The following PRPF40B variants were observed in gnomAD, a reference collection of about 807,000 sequenced individuals.
The protein encoded by PRPF40B is pre-mRNA processing factor 40B.
A neutral mutation model predicts 124.5 loss-of-function variants in PRPF40B; 56 were observed. The ratio of observed to expected loss-of-function variants is 0.45; its 90% CI spans 0.36 to 0.56. The LOEUF (loss-of-function observed/expected upper bound fraction) is 0.56, where lower values mean the gene tolerates loss of function less well. PRPF40B is among the 20% of genes least tolerant of loss of function. The pLI is 0.00. For synonymous variants in PRPF40B, 443 were observed against 426.4 expected (o/e 1.04, Z -0.48); for missense variants, 1,053 against 1,169.5 (o/e 0.90, Z 1.45).
chr12:49,632,993 T>TGGGGGGG, intron 6 of PRPF40B, 21 bp from the exon 7 acceptor site: 2 of 1,498,382 alleles, frequency 1.3e-6, no homozygotes, highest in Non-Finnish European at 1.8e-6. Context: ...ACCACCATTC[T>TGGGGGGG]GTGCCCCCCC....
chr12:49,623,660 G>T (rs1940406109), intron 1 of PRPF40B, 67 bp downstream of exon 1: 1 of 1,228,630 alleles, frequency 8.1e-7, no homozygotes, highest in East Asian at 3.2e-5. Flanking sequence ...GGCCCGGGCC[G>T]TGGCCGATGG....
intron 15 of PRPF40B, 69 bp from the exon 16 acceptor site, chr12:49,636,647 T>A: frequency 6.2e-7 from 1 of 1,600,062 alleles, no homozygotes; most frequent in Non-Finnish European, 8.6e-7. Flanking sequence ...GTTGAAACAT[T>A]AGGGGTGCTG....
chr12:49,627,622 G>C (rs1324950485), intron 1 of PRPF40B, among the ~76,000 whole-genome samples: 1 of 152,152 alleles, frequency 6.6e-6, no homozygotes, highest in African/African-American at 2.4e-5. Flanking sequence ...CTGGGTAGCA[G>C]ACCCCCTCAT....
chr12:49,625,955 T>TC (rs1940672101), intron 1 of PRPF40B, among the ~76,000 whole-genome samples: 1 of 152,232 alleles, frequency 6.6e-6, no homozygotes, highest in Non-Finnish European at 1.5e-5. Context: ...ATTCCATTGT[T>TC]CTGTCCTCTG....
chr12:49,643,300 G>A lies in PRPF40B; in HGVS notation c.2283G>A (p.Glu761=). Residue 761 remains glutamate (E), a synonymous_variant, in exon 23 of 26, where the codon GAG becomes GAA. Coordinates refer to ENST00000548825, the MANE Select transcript of PRPF40B (RefSeq NM_001031698.3). ...AGCGGAGGAGGCGGAACCCCTCAGA[G>A]TCAGGCTCTGAGCCCTCTTCCTCAC... ...PPKRRRRNPS[E]SGSEPSSSLD... 2 of 1,613,032 alleles carry A rather than the reference G, an allele frequency of 1.2e-6. No individual in the cohort carries two copies. The highest frequency in any genetic ancestry group is 1.7e-6 in the Non-Finnish European group (2 of 1,179,666).
rs1212304734 is a variant in PRPF40B at position 49,634,089 on chromosome 12, G to T, written c.809G>T (p.Ser270Ile). 1 of 1,611,896 alleles carries T rather than the reference G, an allele frequency of 6.2e-7. No homozygotes were observed. The highest frequency in any genetic ancestry group is 1.7e-5 in the Admixed American group (1 of 60,016). Reference protein sequence around the residue: ...GFLQQLEEGPSSSGQHQPQQE... With the variant: ...GFLQQLEEGPISSGQHQPQQE... The stretch of plus-strand genomic sequence containing the variant: ...CTGCAGCAGCTGGAGGAGGGCCCCA[G>T]CAGGTGAGGGCTGCCCCCCATGGCA... Residue 270 changes from serine (S) to isoleucine (I), a missense_variant, in exon 10 of 26, where the codon AGC (serine) becomes ATC (isoleucine). Transcript: ENST00000548825.
Position 49,642,145 on chromosome 12 carries a change from CCCTAA to C in PRPF40B, c.1885-88_1885-84del, listed in dbSNP as rs894623488. 1.4e-5 allele frequency: 22 copies of C among 1,607,726 alleles called. No individual in the cohort carries two copies. In the African/African-American group the frequency reaches 2.5e-4, roughly 19 times the overall value. On this transcript the variant is annotated intron_variant, in intron 19 of 25. Transcript: ENST00000548825. This position sits in a 1 kb window ranked among gnomAD's most constrained non-coding sequence, Gnocchi z 5.8. ...CAGGGGATGGTGGTAGAAGCCCAGA[CCCTAA>C]CTTTCCACCTCCTAAGGTATGCCTG...
intron 2 of PRPF40B, among the ~76,000 whole-genome samples, chr12:49,630,985 T>C (rs1363151012): frequency 2.0e-5 from 3 of 152,156 alleles, no homozygotes; most frequent in Non-Finnish European, 4.4e-5. Flanking sequence ...TGGAATGGCA[T>C]TGGTGGTCAT....
chr12:49,627,314 A>G (rs941208966), intron 1 of PRPF40B, among the ~76,000 whole-genome samples: 3 of 152,240 alleles, frequency 2.0e-5, no homozygotes, highest in South Asian at 2.1e-4. Context: ...GAAAAATAAT[A>G]TAATCAGGAT....
Position 49,632,996 on chromosome 12 carries a change from G to GGGGGGGGCCCCCCCCC in PRPF40B, c.349-18_349-17insGGGGGGGCCCCCCCCC. 9 of 1,147,380 alleles carry GGGGGGGGCCCCCCCCC rather than the reference G, an allele frequency of 7.8e-6. No homozygotes were observed. Among genetic ancestry groups the GGGGGGGGCCCCCCCCC allele is most frequent in the Non-Finnish European group, 1.1e-5 (9 of 822,998 alleles). The allele number at this position is 1,147,380 out of a possible 1,614,324, so 71.1% of individuals were successfully genotyped here. ...AAAGGGGCCTTGACCACCATTCTGT[G>GGGGGGGGCCCCCCCCC]CCCCCCCCCCCACCCAGAGGGCCCT... On this transcript the variant is annotated splice_polypyrimidine_tract_variant and intron_variant, in intron 6 of 25. Transcript: ENST00000548825.
intron 4 of PRPF40B, chr12:49,632,192 CA>C (rs1184152921): frequency 5.0e-6 from 3 of 596,728 alleles, no homozygotes; most frequent in African/African-American, 1.9e-5. Flanking sequence ...CTCACAGAGC[CA>C]CACACTGTGG....
intron 4 of PRPF40B, 22 bp from the exon 5 acceptor site, chr12:49,632,573 TC>T: frequency 6.2e-7 from 1 of 1,612,900 alleles, no homozygotes. Flanking sequence ...CCCCAACCCT[TC>T]CCCCTCCTCT....
chr12:49,642,362 C>T lies in PRPF40B; in HGVS notation c.2012C>T (p.Ala671Val). The change falls in exon 20 of 26, where the codon GCC becomes GTC. Residue 671 changes from alanine (A) to valine (V), a missense_variant. Physicochemically the swap from Ala to Val is moderately conservative, Grantham distance 64. Transcript: ENST00000548825. This position sits in a 1 kb window ranked among gnomAD's most constrained non-coding sequence, Gnocchi z 5.8. ...QAVPALELGT[A>V]WEEVRERFVC... ...GTGCCTGCTCTGGAGCTAGGCACTGCCTGGGAAGAGGTCAGGAGCGTAGCC... is the reference window on the plus strand; with the variant it reads ...GTGCCTGCTCTGGAGCTAGGCACTGTCTGGGAAGAGGTCAGGAGCGTAGCC... The T allele has an allele frequency of 6.2e-7, 1 of 1,613,754 alleles. No individual in the cohort carries two copies. The highest frequency in any genetic ancestry group is 1.1e-5 in the South Asian group (1 of 91,076).
chr12:49,624,007 C>T, intron 1 of PRPF40B: 1 of 1,011,698 alleles, frequency 9.9e-7, no homozygotes, highest in Non-Finnish European at 1.2e-6. Context: ...GCCCCAGCGC[C>T]CGTTCCCTTT....
At chr12:49,639,742 G>C (rs1288209876) in intron 18 of PRPF40B, 4 of 152,242 alleles carry the variant, frequency 2.6e-5, no homozygotes, top group Non-Finnish European at 5.9e-5. Context: ...AGAATTGATA[G>C]ATTTTGTGAA....
chr12:49,635,423 CGAAAA>C lies in PRPF40B; in HGVS notation c.1228_1232del (p.Lys410GlyfsTer3). 6.2e-7 allele frequency: 1 copy of C among 1,613,968 alleles called. No homozygotes were observed. The highest frequency in any genetic ancestry group is 8.5e-7 in the Non-Finnish European group (1 of 1,179,984). ...CTGGGCTGTGGTCCCTGAGAGGGAT[CGAAAA>C]GAGGTTTATGATGATGTCCTCTTCT... is the stretch of plus-strand genomic sequence containing the variant. On this transcript the variant is annotated frameshift_variant, in exon 14 of 26. Coordinates refer to ENST00000548825, the MANE Select transcript of PRPF40B (RefSeq NM_001031698.3). LOFTEE classifies it high-confidence loss of function. The surrounding 1 kb of genome is among the most constrained non-coding windows in gnomAD (Gnocchi z 4.1).
intron 1 of PRPF40B, among the ~76,000 whole-genome samples, chr12:49,625,105 G>GAATGAGTCAGACC (rs1940587601): frequency 6.6e-6 from 1 of 152,164 alleles, no homozygotes; most frequent in Admixed American, 6.5e-5. Flanking sequence ...CAGGAAGTGG[G>GAATGAGTCAGACC]AATGAGTCAG....
At chr12:49,622,906 T>C (rs190211879), upstream of PRPF40B, among the ~76,000 whole-genome samples, 2 of 152,344 alleles carry the variant, frequency 1.3e-5, no homozygotes, top group Non-Finnish European at 2.9e-5. Context: ...ACAGCAAGCA[T>C]GTACCTCACA....
chr12:49,624,471 G>A (rs892411617), intron 1 of PRPF40B, among the ~76,000 whole-genome samples: 1 of 152,158 alleles, frequency 6.6e-6, no homozygotes, highest in African/African-American at 2.4e-5. Context: ...GAGAGGAGGA[G>A]GTTGAAACCT....
Sources: gnomAD v4.1 joint callset for allele counts (sites outside exome capture counted in the v4.1 genomes callset) on GRCh38, gnomAD v4.1.1 for gene constraint, Gnocchi (gnomAD v3.1) non-coding constraint, MANE v1.5 for transcripts, NCBI Gene and HGNC (gene_info 2026-07-23, HGNC 2026-07-21) for gene names.